Variants in SLC24A2 observed in about 807,000 individuals in gnomAD.
SLC24A2 encodes the protein sodium/potassium/calcium exchanger 2.
Under a neutral mutation model 62.0 loss-of-function variants are expected in SLC24A2, and 36 were observed. The observed-to-expected ratio is 0.58, with a 90% confidence interval of 0.44 to 0.77. The LOEUF is 0.77. SLC24A2 is among the 30% of genes least tolerant of loss of function. The pLI is 0.00. For missense variants in SLC24A2, 846 were observed against 817.9 expected, an observed-to-expected ratio of 1.03 and a Z score of -0.42; for synonymous variants, 358 against 294.0, an observed-to-expected ratio of 1.22 and a Z score of -2.23.
the SLC24A2 span, among the ~76,000 whole-genome samples, chr9:20,009,902 C>G: frequency 6.6e-6 from 1 of 152,172 alleles, no homozygotes; most frequent in Admixed American, 6.5e-5. Context: ...CCCTGCCCAC[C>G]TTGTGTGGCC....
chr9:19,776,963 A>G (rs758556319), intron 2 of SLC24A2, among the ~76,000 whole-genome samples: 35 of 152,188 alleles, frequency 2.3e-4, no homozygotes, highest in Non-Finnish European at 4.7e-4. Context: ...ATGGCCAAGG[A>G]GCACATCCCA....
Position 19,746,493 on chromosome 9 carries a change from T to TA in SLC24A2, c.930+39443dup, listed in dbSNP as rs534570810. Among the ~76,000 whole-genome samples the TA allele has an allele frequency of 8.9e-4, 136 of 152,216 alleles. 1 individual carries two copies. Among genetic ancestry groups the TA allele is most frequent in the African/African-American group, 3.1e-3 (130 of 41,548 alleles). On this transcript the variant is annotated intron_variant, in intron 2 of 10. Coordinates refer to ENST00000341998, the MANE Select transcript of SLC24A2 (RefSeq NM_020344.4). ...GGTGACTAACTGTAATTGAATTCAA[T>TA]AAAAAACTCCATTATCATAATAGTC... is the stretch of plus-strand genomic sequence containing the variant.
chr9:19,899,937 A>T, the SLC24A2 span, among the ~76,000 whole-genome samples: 1 of 152,162 alleles, frequency 6.6e-6, no homozygotes, highest in Non-Finnish European at 1.5e-5. Context: ...GGAACTATTA[A>T]TCATCTTAAT....
chr9:19,779,135 GA>G (rs1822932505), intron 2 of SLC24A2, among the ~76,000 whole-genome samples: 1 of 152,186 alleles, frequency 6.6e-6, no homozygotes, highest in East Asian at 1.9e-4. Flanking sequence ...CATGAACAGT[GA>G]AAACACGTGG....
chr9:20,266,908 T>A, the SLC24A2 span, among the ~76,000 whole-genome samples: 1 of 151,884 alleles, frequency 6.6e-6, no homozygotes, highest in East Asian at 1.9e-4. Flanking sequence ...TGAGACCCCA[T>A]CTCCACAAAA....
At chr9:20,082,698 C>A in the SLC24A2 span, among the ~76,000 whole-genome samples, 1 of 152,238 alleles carries the variant, frequency 6.6e-6, no homozygotes, top group African/African-American at 2.4e-5. Context: ...GTGGAAGATG[C>A]TCTGTGCTTC....
At chr9:20,203,446 G>C in the SLC24A2 span, among the ~76,000 whole-genome samples, 9 of 152,160 alleles carry the variant, frequency 5.9e-5, no homozygotes, top group Admixed American at 2.0e-4. Flanking sequence ...TTAATTAGCA[G>C]GTGAACTCAG....
chr9:19,766,258 G>C (rs1328574584), intron 2 of SLC24A2, among the ~76,000 whole-genome samples: 2 of 152,134 alleles, frequency 1.3e-5, no homozygotes, highest in Non-Finnish European at 1.5e-5. Flanking sequence ...CTTTAGCCTG[G>C]AGGAGTTTGT....
chr9:19,675,912 G>C (rs1206763720), intron 2 of SLC24A2, among the ~76,000 whole-genome samples: 3 of 152,176 alleles, frequency 2.0e-5, no homozygotes, highest in African/African-American at 4.8e-5. Context: ...ACAAAGTTCA[G>C]CTGGAAGTTT....
chr9:19,836,340 T>C, the SLC24A2 span, among the ~76,000 whole-genome samples: 3 of 151,480 alleles, frequency 2.0e-5, no homozygotes, highest in African/African-American at 7.3e-5. Flanking sequence ...GCAAGACTAA[T>C]AAAGAAGAAA....
chr9:20,060,795 AAC>A, the SLC24A2 span, among the ~76,000 whole-genome samples: 1 of 152,076 alleles, frequency 6.6e-6, no homozygotes, highest in African/African-American at 2.4e-5. Flanking sequence ...ATTCTTAGGG[AAC>A]ACACACACAC....
chr9:20,285,669 A>C, the SLC24A2 span, among the ~76,000 whole-genome samples: 2 of 152,030 alleles, frequency 1.3e-5, no homozygotes, highest in Non-Finnish European at 2.9e-5. Context: ...ATGTACCCAG[A>C]ATGTTTGACC....
the SLC24A2 span, among the ~76,000 whole-genome samples, chr9:19,825,544 T>A: frequency 6.6e-6 from 1 of 152,292 alleles, no homozygotes; most frequent in Admixed American, 6.5e-5. Flanking sequence ...TTATATCTAC[T>A]CTGGGGAAGT....
intron 2 of SLC24A2, among the ~76,000 whole-genome samples, chr9:19,661,572 C>G (rs1369697351): frequency 6.6e-6 from 1 of 152,176 alleles, no homozygotes; most frequent in Non-Finnish European, 1.5e-5. Context: ...TGCAGAGTAT[C>G]AATGTGGAGC....
At chr9:19,698,976 T>C (rs1300734125) in intron 2 of SLC24A2, among the ~76,000 whole-genome samples, 1 of 152,198 alleles carries the variant, frequency 6.6e-6, no homozygotes, top group Non-Finnish European at 1.5e-5. Context: ...TCAGAATATA[T>C]GGTCTATTGT....
chr9:20,218,336 A>G, the SLC24A2 span, among the ~76,000 whole-genome samples: 1 of 152,136 alleles, frequency 6.6e-6, no homozygotes, highest in Non-Finnish European at 1.5e-5. Flanking sequence ...TTACTGGTCT[A>G]TAATTAGACT....
chr9:19,541,271 G>A (rs1482417334), intron 8 of SLC24A2, among the ~76,000 whole-genome samples: 1 of 149,850 alleles, frequency 6.7e-6, no homozygotes, highest in Non-Finnish European at 1.5e-5. Flanking sequence ...CTTTGGAGGA[G>A]GAGAGGCACT....
At chr9:19,718,723 T>C (rs1350296425) in intron 2 of SLC24A2, among the ~76,000 whole-genome samples, 2 of 152,180 alleles carry the variant, frequency 1.3e-5, no homozygotes, top group African/African-American at 4.8e-5. Flanking sequence ...GACCTCGACA[T>C]GAATCTCATA....
chr9:20,002,355 A>G, the SLC24A2 span, among the ~76,000 whole-genome samples: 1 of 151,262 alleles, frequency 6.6e-6, no homozygotes, highest in African/African-American at 2.4e-5. Context: ...GCTTACTGCA[A>G]GCTACAAACC....
Sources: gnomAD v4.1 joint callset for allele counts (sites outside exome capture counted in the v4.1 genomes callset) on GRCh38, gnomAD v4.1.1 for gene constraint, MANE v1.5 for transcripts, NCBI Gene and HGNC (gene_info 2026-07-23, HGNC 2026-07-21) for gene names.